The following ERBB4 variants were observed in gnomAD, a reference collection of about 807,000 sequenced individuals.
The protein encoded by ERBB4 is receptor tyrosine-protein kinase erbB-4.
In ERBB4, 42 loss-of-function variants were observed where a neutral mutation model predicts 158.0. The observed-to-expected ratio is 0.27, with a 90% CI of 0.21 to 0.34. The LOEUF is 0.34. ERBB4 is among the 10% of genes least tolerant of loss of function. The pLI is 1.00. For synonymous variants in ERBB4, 583 were observed against 558.7 expected, an observed-to-expected ratio of 1.04 and a Z score of -0.61; for missense variants, 1,333 against 1,624.1, an observed-to-expected ratio of 0.82 and a Z score of 3.08.
At chr2:212,058,783 A>T (rs1325118426) in intron 2 of ERBB4, among the ~76,000 whole-genome samples, 5 of 152,184 alleles carry the variant, frequency 3.3e-5, no homozygotes, top group Non-Finnish European at 5.9e-5. Context: ...TATTGATGGG[A>T]CGTATCTCAA....
chr2:211,872,317 T>C (rs1000162123), intron 3 of ERBB4, among the ~76,000 whole-genome samples: 6 of 152,114 alleles, frequency 3.9e-5, no homozygotes, highest in African/African-American at 1.4e-4. Flanking sequence ...AGAGAAAGTA[T>C]TGTAAGAGAA....
intron 2 of ERBB4, among the ~76,000 whole-genome samples, chr2:212,036,484 A>G (rs1383195916): frequency 3.0e-5 from 4 of 134,220 alleles, no homozygotes; most frequent in Non-Finnish European, 6.7e-5. Context: ...TTTTTTTTTT[A>G]GATGGAGCCT....
intron 4 of ERBB4, among the ~76,000 whole-genome samples, chr2:211,783,476 G>C (rs868419265): frequency 2.0e-5 from 3 of 152,072 alleles, no homozygotes; most frequent in East Asian, 1.9e-4. Flanking sequence ...CCAGTTTTTG[G>C]CCATTCAGTA....
In ERBB4 at chr2:212,114,493, A is replaced by G. The variant is rs532077121; in HGVS notation, c.234+10259T>C. ...TTGGTAGGGACCAAACAATTGTAGG[A>G]ATTTAATAAGAATTTTGGACTTTAT... is the stretch of plus-strand genomic sequence containing the variant. On this transcript the variant is annotated intron_variant, in intron 2 of 27. Coordinates refer to ENST00000342788, the MANE Select transcript of ERBB4 (RefSeq NM_005235.3). Among the ~76,000 whole-genome samples the G allele has an allele frequency of 1.6e-4, 24 of 152,314 alleles. 1 individual carries two copies. The highest frequency in any genetic ancestry group is 5.8e-4 in the African/African-American group (24 of 41,568).
chr2:211,883,755 G>T (rs1017573457), intron 3 of ERBB4, among the ~76,000 whole-genome samples: 1 of 152,140 alleles, frequency 6.6e-6, no homozygotes, highest in Non-Finnish European at 1.5e-5. Flanking sequence ...TCGTGCCACT[G>T]CACTCCAGCC....
At chr2:212,005,733 A>T (rs2076244454) in intron 2 of ERBB4, among the ~76,000 whole-genome samples, 1 of 152,152 alleles carries the variant, frequency 6.6e-6, no homozygotes, top group Non-Finnish European at 1.5e-5. Context: ...CAAGCATTAA[A>T]TTTTTGCCAG....
At chr2:212,485,032 A>G (rs975200236) in intron 1 of ERBB4, among the ~76,000 whole-genome samples, 1 of 152,174 alleles carries the variant, frequency 6.6e-6, no homozygotes, top group Non-Finnish European at 1.5e-5. Context: ...TCCTGCTCCA[A>G]TATTTTATCC....
chr2:211,591,833 C>A (rs2068476523), intron 19 of ERBB4, among the ~76,000 whole-genome samples: 4 of 152,174 alleles, frequency 2.6e-5, no homozygotes, highest in Admixed American at 2.0e-4. Context: ...AACCATGTAA[C>A]TTTAGCTAGT....
intron 1 of ERBB4, among the ~76,000 whole-genome samples, chr2:212,214,424 C>T (rs9973859): frequency 0.56 from 84,306 of 151,574 alleles, 23,668 homozygotes; most frequent in East Asian, 0.77. Context: ...TTGGGACATA[C>T]ACTACATTAT....
chr2:211,590,170 T>A (rs1449325369), intron 19 of ERBB4, among the ~76,000 whole-genome samples: 1 of 152,158 alleles, frequency 6.6e-6, no homozygotes, highest in East Asian at 1.9e-4. Flanking sequence ...ACTGTGACAG[T>A]GAAAGAGGTC....
intron 1 of ERBB4, among the ~76,000 whole-genome samples, chr2:212,189,532 C>A (rs1031174091): frequency 6.6e-6 from 1 of 152,142 alleles, no homozygotes; most frequent in Non-Finnish European, 1.5e-5. Flanking sequence ...TTTTCAAATT[C>A]TTTCAAGGCT....
At chr2:211,857,782 G>C (rs1000986651) in intron 3 of ERBB4, among the ~76,000 whole-genome samples, 3 of 152,146 alleles carry the variant, frequency 2.0e-5, no homozygotes, top group Non-Finnish European at 4.4e-5. Flanking sequence ...TACACATTAC[G>C]ACAAGTAGCT....
chr2:211,853,799 TACC>T (rs1429255334), intron 3 of ERBB4, among the ~76,000 whole-genome samples: 1 of 152,092 alleles, frequency 6.6e-6, no homozygotes, highest in Non-Finnish European at 1.5e-5. Context: ...AGTTACATTT[TACC>T]ACAATTTGTC....
chr2:211,399,577 A>G (rs888007341), intron 25 of ERBB4, among the ~76,000 whole-genome samples: 1 of 152,178 alleles, frequency 6.6e-6, no homozygotes, highest in African/African-American at 2.4e-5. Flanking sequence ...CTTCCTGTCA[A>G]TATCAGTTAC....
chr2:211,561,603 C>T (rs1044613245), intron 20 of ERBB4, among the ~76,000 whole-genome samples: 16 of 152,050 alleles, frequency 1.1e-4, no homozygotes, highest in African/African-American at 1.7e-4. Flanking sequence ...TAGACTATAC[C>T]GAAACAAATA....
intron 20 of ERBB4, among the ~76,000 whole-genome samples, chr2:211,492,353 A>G (rs532723397): frequency 4.6e-5 from 7 of 152,250 alleles, no homozygotes; most frequent in Admixed American, 4.6e-4. Context: ...CACTTCTAGT[A>G]AAGTCTTGGA....
At chr2:212,375,780 C>T (rs1376993987) in intron 1 of ERBB4, among the ~76,000 whole-genome samples, 1 of 151,860 alleles carries the variant, frequency 6.6e-6, no homozygotes, top group Admixed American at 6.6e-5. Flanking sequence ...TGAAAAGAGC[C>T]CCTATCAGAG....
intron 1 of ERBB4, among the ~76,000 whole-genome samples, chr2:212,277,880 T>C (rs2085603380): frequency 1.3e-5 from 2 of 151,724 alleles, no homozygotes. Flanking sequence ...ATGATTATGT[T>C]TCAGGTTATA....
chr2:212,323,346 T>A lies in ERBB4; in HGVS notation c.83-198443A>T, dbSNP rs148259208. Among the ~76,000 whole-genome samples the A allele has an allele frequency of 2.6e-3, 385 of 150,828 alleles. 4 individuals carry two copies. Among genetic ancestry groups the A allele is most frequent in the African/African-American group, 9.1e-3 (378 of 41,406 alleles). ...AAATTATTTTTCTAATTCTGATTTT[T>A]ATCTAAGATTGAAAGCAAAGACTAT... On this transcript the variant is annotated intron_variant, in intron 1 of 27. Transcript: ENST00000342788.
Sources: allele counts gnomAD v4.1 joint callset (sites outside exome capture counted in the v4.1 genomes callset), GRCh38; gene constraint gnomAD v4.1.1; transcripts MANE v1.5; gene names NCBI Gene and HGNC (gene_info 2026-07-23, HGNC 2026-07-21).